PARD3B: variants seen among roughly 807,000 people sequenced by gnomAD.
PARD3B encodes the protein par-3 family cell polarity regulator beta, also known as partitioning defective 3 homolog B.
PARD3B carries 103 observed loss-of-function variants against 130.2 expected under a neutral mutation model. The observed-to-expected ratio is 0.79, with a 90% CI of 0.67 to 0.93. The LOEUF (loss-of-function observed/expected upper bound fraction) is 0.93. Among genes scored for constraint, PARD3B ranks in the 40% least tolerant of loss-of-function variants. The pLI is 0.00. For missense variants in PARD3B, 1,609 were observed against 1,499.2 expected, an observed-to-expected ratio of 1.07 and a Z score of -1.21; for synonymous variants, 583 against 553.2, an observed-to-expected ratio of 1.05 and a Z score of -0.76.
At chr2:205,304,407 G>A (rs1208597176) in intron 18 of PARD3B, among the ~76,000 whole-genome samples, 1 of 152,048 alleles carries the variant, frequency 6.6e-6, no homozygotes, top group Admixed American at 6.5e-5. Flanking sequence ...AGGCCAAGAC[G>A]GGCGGATCAC....
intron 2 of PARD3B, among the ~76,000 whole-genome samples, chr2:204,849,648 A>G (rs1384610640): frequency 6.6e-6 from 1 of 152,246 alleles, no homozygotes; most frequent in Non-Finnish European, 1.5e-5. Context: ...TGGGCATCTA[A>G]TAAATGACAG....
chr2:205,225,309 G>A lies in PARD3B; in HGVS notation c.2141-20469G>A, dbSNP rs185971834. On this transcript the variant is annotated intron_variant, in intron 15 of 22. Coordinates refer to ENST00000406610, the MANE Select transcript of PARD3B (RefSeq NM_001302769.2). ...TTGGATGAAAGCCATTTTAACTGGGGTGAGATGACATCTCACTATAGTTTT... is the reference window on the plus strand; with the variant it reads ...TTGGATGAAAGCCATTTTAACTGGGATGAGATGACATCTCACTATAGTTTT... 2.2e-4 allele frequency among the ~76,000 whole-genome samples: 33 copies of A among 152,262 alleles called. No homozygotes were observed. In the South Asian group the frequency reaches 4.1e-3, roughly 19 times the overall value.
At chr2:205,469,365 A>C (rs1221053383) in intron 20 of PARD3B, among the ~76,000 whole-genome samples, 1 of 152,122 alleles carries the variant, frequency 6.6e-6, no homozygotes, top group South Asian at 2.1e-4. Context: ...CTGAATCATG[A>C]TGCCATGATT....
chr2:205,069,908 C>G (rs1290042320), intron 4 of PARD3B, among the ~76,000 whole-genome samples: 3 of 152,116 alleles, frequency 2.0e-5, no homozygotes, highest in Non-Finnish European at 4.4e-5. Context: ...TGTTTAATCC[C>G]CCACTATCAA....
chr2:204,642,652 C>A (rs1398942427), intron 1 of PARD3B, among the ~76,000 whole-genome samples: 1 of 151,888 alleles, frequency 6.6e-6, no homozygotes, highest in African/African-American at 2.4e-5. Context: ...CCCAATATAG[C>A]CATTTTGATA....
At chr2:205,553,526 G>A (rs370133579) in intron 22 of PARD3B, 123 bp downstream of exon 22, 40 of 852,768 alleles carry the variant, frequency 4.7e-5, no homozygotes, top group East Asian at 1.8e-4. Context: ...CCTTGCTGCC[G>A]TCTGCTGTAG....
intron 21 of PARD3B, among the ~76,000 whole-genome samples, chr2:205,535,274 G>T (rs2051796935): frequency 6.6e-6 from 1 of 152,184 alleles, no homozygotes; most frequent in Non-Finnish European, 1.5e-5. Context: ...TCCTTGTGCA[G>T]CTGTGCCTTA....
Position 205,253,375 on chromosome 2 carries a change from G to C in PARD3B, c.2185+7553G>C, listed in dbSNP as rs2125933431. On this transcript the variant is annotated intron_variant, in intron 16 of 22. Coordinates refer to ENST00000406610, the MANE Select transcript of PARD3B (RefSeq NM_001302769.2). The surrounding 1 kb of genome is among the most constrained non-coding windows in gnomAD (Gnocchi z 4.4). ...GAGGAAATGCTGGGACTGTGGGTCA[G>C]TGCTGACACACCCATGGCCATACGT... The C allele has an allele frequency of 7.1e-6, 4 of 565,918 alleles. No individual in the cohort carries two copies. Among genetic ancestry groups the C allele is most frequent in the Middle Eastern group, 6.0e-4 (2 of 3,328 alleles). 35.1% of individuals were successfully genotyped at this position (565,918 alleles called of 1,614,324 possible).
intron 5 of PARD3B, among the ~76,000 whole-genome samples, chr2:205,110,831 T>C (rs1433368983): frequency 6.6e-6 from 1 of 152,062 alleles, no homozygotes; most frequent in Non-Finnish European, 1.5e-5. Flanking sequence ...ACTCTAGAGT[T>C]TATCTAAACA....
At chr2:204,590,122 T>A (rs1250958514) in intron 1 of PARD3B, among the ~76,000 whole-genome samples, 2 of 152,096 alleles carry the variant, frequency 1.3e-5, no homozygotes, top group African/African-American at 4.8e-5. Context: ...AAGCTTAAGA[T>A]CAAGGTGGGG....
intron 10 of PARD3B, among the ~76,000 whole-genome samples, chr2:205,138,057 C>G (rs1300854547): frequency 6.6e-6 from 1 of 152,102 alleles, no homozygotes; most frequent in Non-Finnish European, 1.5e-5. Flanking sequence ...GTGCACTGTT[C>G]TATAGCCGAA....
chr2:204,780,757 G>A (rs2041807390), intron 2 of PARD3B, among the ~76,000 whole-genome samples: 1 of 152,084 alleles, frequency 6.6e-6, no homozygotes, highest in African/African-American at 2.4e-5. Flanking sequence ...ACAGAGACCA[G>A]TATTGACAAT....
rs13393525 is a variant in PARD3B, at chr2:204,907,788, G to A, written c.223-57364G>A. On this transcript the variant is annotated intron_variant, in intron 2 of 22. Transcript: ENST00000406610. The surrounding 1 kb of genome is among the most constrained non-coding windows in gnomAD (Gnocchi z 5.7). ...GCAATCTTGGCTCACTGCAACCTCCGCCTCCCAGGGTCAAGCAATTCCCCT... is the reference window on the plus strand; with the variant it reads ...GCAATCTTGGCTCACTGCAACCTCCACCTCCCAGGGTCAAGCAATTCCCCT... 2.2e-3 allele frequency among the ~76,000 whole-genome samples: 333 copies of A among 151,308 alleles called. 3 individuals carry two copies. Among genetic ancestry groups the A allele is most frequent in the African/African-American group, 7.9e-3 (323 of 40,804 alleles).
chr2:204,942,027 T>C (rs1017624832), intron 2 of PARD3B, among the ~76,000 whole-genome samples: 2 of 152,202 alleles, frequency 1.3e-5, no homozygotes, highest in Non-Finnish European at 2.9e-5. Context: ...TTAATGTTCC[T>C]TTCAGGTAAT....
At position 205,185,840 on chromosome 2, in the gene PARD3B, G is replaced by C. The variant is rs767105045; in HGVS notation, c.2001G>C (p.Leu667Phe). 1.9e-6 allele frequency: 3 copies of C among 1,613,794 alleles called. No homozygotes were observed. Among genetic ancestry groups the C allele is most frequent in the Non-Finnish European group, 2.5e-6 (3 of 1,179,714 alleles). Residue 667 changes from leucine (L) to phenylalanine (F), a missense_variant, in exon 14 of 23, where the codon TTG becomes TTC. Transcript: ENST00000406610. ...CAACACCACATTCTGCTCTGGGATT[G>C]GGCCTCGAAGATTACAGCCACAGGT... Reference protein sequence around the residue: ...PSPTPHSALGLGLEDYSHSSG... With the variant: ...PSPTPHSALGFGLEDYSHSSG...
intron 2 of PARD3B, among the ~76,000 whole-genome samples, chr2:204,760,590 C>G (rs974749753): frequency 1.3e-5 from 2 of 151,994 alleles, no homozygotes; most frequent in African/African-American, 2.4e-5. Flanking sequence ...TCTTGGGAAC[C>G]CTTTACTTTG....
chr2:205,506,518 G>T (rs922062208), intron 21 of PARD3B, among the ~76,000 whole-genome samples: 1 of 152,168 alleles, frequency 6.6e-6, no homozygotes, highest in Non-Finnish European at 1.5e-5. Flanking sequence ...CCGCTGATCT[G>T]GATGACAAGA....
intron 3 of PARD3B, among the ~76,000 whole-genome samples, chr2:205,037,400 A>C (rs1283396496): frequency 6.8e-6 from 1 of 146,946 alleles, no homozygotes; most frequent in Non-Finnish European, 1.5e-5. Flanking sequence ...ATATATATAT[A>C]GTGGACTATA....
chr2:204,852,380 TAATA>T (rs2044743463), intron 2 of PARD3B, among the ~76,000 whole-genome samples: 1 of 152,108 alleles, frequency 6.6e-6, no homozygotes. Flanking sequence ...CAACTTAGGG[TAATA>T]AATAAAGTTA....
Sources: gnomAD v4.1 joint callset for allele counts (sites outside exome capture counted in the v4.1 genomes callset) on GRCh38, gnomAD v4.1.1 for gene constraint, Gnocchi (gnomAD v3.1) non-coding constraint, MANE v1.5 for transcripts, NCBI Gene and HGNC (gene_info 2026-07-23, HGNC 2026-07-21) for gene names.